The following TRANK1 variants were observed in gnomAD, a reference collection of about 807,000 sequenced individuals.
TRANK1 encodes the protein TPR and ankyrin repeat-containing protein 1.
TRANK1 carries 198 observed loss-of-function variants against 266.0 expected under a neutral mutation model. The observed-to-expected ratio is 0.74, with a 90% CI of 0.66 to 0.84. The LOEUF is 0.84. Ranked by LOEUF, TRANK1 falls within the 40% of genes least tolerant of loss-of-function variation. The pLI is 0.00. For missense variants in TRANK1, 3,326 were observed against 3,634.6 expected, an observed-to-expected ratio of 0.92 and a Z score of 2.18; for synonymous variants, 1,396 against 1,384.1, an observed-to-expected ratio of 1.01 and a Z score of -0.19.
Position 36,847,325 on chromosome 3 carries a change from T to C in TRANK1, c.4909A>G (p.Ile1637Val). Reference sequence around the variant, plus strand: ...GTTGAGGTAGGTGTGAATGAGGAAATGATCTTCCATTCCTTATAAGCCTGA... The same window carrying C: ...GTTGAGGTAGGTGTGAATGAGGAAACGATCTTCCATTCCTTATAAGCCTGA... Reference protein sequence around the residue: ...DSEAYKEWKIISSFTPTSTDS... With the variant: ...DSEAYKEWKIVSSFTPTSTDS... The change falls in exon 16 of 24, where the codon ATT (isoleucine) becomes GTT (valine). Residue 1637 changes from isoleucine to valine, a missense_variant. By Grantham distance (29) the Ile-to-Val change is conservative. Transcript: ENST00000645898. The C allele has an allele frequency of 6.2e-7, 1 of 1,613,620 alleles. No homozygotes were observed. The highest frequency in any genetic ancestry group is 1.1e-5 in the South Asian group (1 of 91,004).
chr3:36,878,775 CAAA>C (rs202216198), intron 8 of TRANK1, among the ~76,000 whole-genome samples: 3 of 121,740 alleles, frequency 2.5e-5, no homozygotes, highest in African/African-American at 3.3e-5. Flanking sequence ...AATGAAAGTT[CAAA>C]AAAAAAAAAA....
chr3:36,923,414 C>A (rs561358297), intron 1 of TRANK1, among the ~76,000 whole-genome samples: 1 of 152,098 alleles, frequency 6.6e-6, no homozygotes, highest in Non-Finnish European at 1.5e-5. Flanking sequence ...CGCCACCACG[C>A]CCAGCTAATT....
intron 15 of TRANK1, chr3:36,851,347 C>G: frequency 9.9e-7 from 1 of 1,009,674 alleles, no homozygotes; most frequent in Non-Finnish European, 1.2e-6. Flanking sequence ...TCTGTCATCA[C>G]AGGGTGGACA....
At chr3:36,928,490 A>G (rs914011282) in intron 1 of TRANK1, among the ~76,000 whole-genome samples, 5 of 152,200 alleles carry the variant, frequency 3.3e-5, no homozygotes, top group African/African-American at 1.2e-4. Flanking sequence ...TTCATTACAC[A>G]TGGAACATTT....
chr3:36,884,198 C>A (rs1280967431), intron 8 of TRANK1, among the ~76,000 whole-genome samples: 1 of 152,162 alleles, frequency 6.6e-6, no homozygotes, highest in African/African-American at 2.4e-5. Flanking sequence ...TACAATAATA[C>A]AGATGTAGTA....
chr3:36,866,426 T>C (rs2079228726), intron 9 of TRANK1, among the ~76,000 whole-genome samples: 1 of 152,112 alleles, frequency 6.6e-6, no homozygotes, highest in Non-Finnish European at 1.5e-5. Flanking sequence ...TGTCCACAAG[T>C]AGTTTATTAA....
intron 8 of TRANK1, among the ~76,000 whole-genome samples, chr3:36,886,129 G>GTTTTTTTTTTTTT (rs10563870): frequency 9.9e-6 from 1 of 100,976 alleles, no homozygotes; most frequent in Non-Finnish European, 2.0e-5. Flanking sequence ...TGTTGTTGTT[G>GTTTTTTTTTTTTT]TTTTTTTTTT....
chr3:36,827,833 C>G lies in TRANK1; in HGVS notation c.*442G>C, dbSNP rs1390346069. 6.2e-6 allele frequency: 1 copy of G among 161,832 alleles called. No homozygotes were observed. The highest frequency in any genetic ancestry group is 1.7e-4 in the East Asian group (1 of 5,792). The allele number at this position is 161,832 out of a possible 1,614,324, so 10.0% of individuals were successfully genotyped here. A position where few individuals can be genotyped will look rare whatever the true frequency, so the allele number is the denominator to read the frequency against. ...TACAGCTCTCATAGCACACTTGATG[C>G]TGCAGCAGTGTGGCAGGAGATGAGG... On this transcript the variant is annotated 3_prime_UTR_variant, in exon 24 of 24. Coordinates refer to ENST00000645898, the MANE Select transcript of TRANK1 (RefSeq NM_001329998.2).
intron 9 of TRANK1, among the ~76,000 whole-genome samples, chr3:36,865,216 C>T (rs576736500): frequency 1.3e-4 from 20 of 151,558 alleles, no homozygotes; most frequent in African/African-American, 1.7e-4. Flanking sequence ...TTAGTAGAGA[C>T]GGGGTTTCAC....
At chr3:36,844,668 C>A (rs1470192852) in intron 17 of TRANK1, among the ~76,000 whole-genome samples, 4 of 152,182 alleles carry the variant, frequency 2.6e-5, no homozygotes, top group Non-Finnish European at 5.9e-5. Context: ...AAGGTCATGT[C>A]ATTACACAGG....
chr3:36,842,952 T>C (rs1559420818), intron 17 of TRANK1, among the ~76,000 whole-genome samples: 1 of 152,026 alleles, frequency 6.6e-6, no homozygotes, highest in Non-Finnish European at 1.5e-5. Flanking sequence ...TTAGAAGAAA[T>C]TAGAACACGG....
chr3:36,842,556 G>A, intron 18 of TRANK1, 66 bp downstream of exon 18: 1 of 1,431,972 alleles, frequency 7.0e-7, no homozygotes. Context: ...ACCATGATGT[G>A]AAACCTGCCT....
intron 7 of TRANK1, 32 bp downstream of exon 7, chr3:36,892,170 C>G (rs746463448): frequency 2.6e-6 from 4 of 1,533,754 alleles, no homozygotes; most frequent in Non-Finnish European, 3.5e-6. Flanking sequence ...AGAAGGGCAG[C>G]TTGGAGGGTG....
At chr3:36,880,421 C>A in intron 8 of TRANK1, 1 of 293,810 alleles carries the variant, frequency 3.4e-6, no homozygotes, top group South Asian at 3.6e-5. Context: ...TTGATTTGCT[C>A]TCATCAGATT....
chr3:36,878,993 A>G (rs942935789), intron 8 of TRANK1, among the ~76,000 whole-genome samples: 1 of 152,058 alleles, frequency 6.6e-6, no homozygotes, highest in Non-Finnish European at 1.5e-5. Context: ...TAAAATATCA[A>G]TTTAAATTGT....
At chr3:36,887,047 C>T (rs1460632593) in intron 8 of TRANK1, among the ~76,000 whole-genome samples, 1 of 151,822 alleles carries the variant, frequency 6.6e-6, no homozygotes, top group East Asian at 1.9e-4. Flanking sequence ...GCTGGGACTA[C>T]AGGCGCATGC....
In TRANK1 at chr3:36,833,586, A is replaced by G. The variant is rs770119973; in HGVS notation, c.5997T>C (p.Asn1999=). ...ASCLLGAARL[N]VARDSDIEHT... is the part of the protein sequence containing the mutation. The stretch of plus-strand genomic sequence containing the variant: ...GTTCTATGTCGGAATCCCTGGCCAC[A>G]TTGAGGCGGGCGGCCCCCAGCAGAC... Residue 1999 remains asparagine (N), a synonymous_variant, in exon 22 of 24, where the codon AAT becomes AAC. Transcript: ENST00000645898. The G allele has an allele frequency of 6.2e-7, 1 of 1,613,940 alleles. No individual in the cohort carries two copies. Among genetic ancestry groups the G allele is most frequent in the South Asian group, 1.1e-5 (1 of 91,080 alleles).
At chr3:36,914,379 T>C (rs1286711810) in intron 1 of TRANK1, among the ~76,000 whole-genome samples, 1 of 151,390 alleles carries the variant, frequency 6.6e-6, no homozygotes, top group Non-Finnish European at 1.5e-5. Context: ...AAGTGAGCGC[T>C]CAGGTGATCC....
chr3:36,930,238 C>A (rs138088061), intron 1 of TRANK1, among the ~76,000 whole-genome samples: 5 of 152,048 alleles, frequency 3.3e-5, no homozygotes, highest in Non-Finnish European at 7.4e-5. Context: ...GAAGGCGGAG[C>A]GGGGAGGAGT....
Sources: gnomAD v4.1 joint callset for allele counts (sites outside exome capture counted in the v4.1 genomes callset) on GRCh38, gnomAD v4.1.1 for gene constraint, MANE v1.5 for transcripts, NCBI Gene and HGNC (gene_info 2026-07-23, HGNC 2026-07-21) for gene names.